The following EP400 variants were observed in gnomAD, a reference collection of about 807,000 sequenced individuals.
The protein encoded by EP400 is E1A-binding protein p400.
A neutral mutation model predicts 354.1 loss-of-function variants in EP400; 105 were observed. That is an observed-to-expected ratio of 0.30 (90% CI 0.25 to 0.35). The LOEUF (loss-of-function observed/expected upper bound fraction) is 0.35, where lower values mean the gene tolerates loss of function less well. Among genes scored for constraint, EP400 ranks in the 10% least tolerant of loss-of-function variants. The pLI is 1.00. For synonymous variants in EP400, 1,646 were observed against 1,716.9 expected (o/e 0.96, Z 1.02); for missense variants, 3,280 against 4,121.0 (o/e 0.80, Z 5.59).
chr12:132,028,330 A>G (rs774706215), intron 27 of EP400, 42 bp downstream of exon 27: 7 of 1,597,974 alleles, frequency 4.4e-6, no homozygotes, highest in Middle Eastern at 1.7e-4. Flanking sequence ...CTCTGGCTGC[A>G]TTGCACCCCG....
At chr12:131,979,424 A>G (rs997917852) in intron 2 of EP400, among the ~76,000 whole-genome samples, 3 of 152,112 alleles carry the variant, frequency 2.0e-5, no homozygotes, top group Non-Finnish European at 4.4e-5. Context: ...TTTCCCAAGG[A>G]CTGTAGGTTT....
At chr12:131,966,444 C>T (rs371574651) in intron 2 of EP400, among the ~76,000 whole-genome samples, 16 of 151,574 alleles carry the variant, frequency 1.1e-4, no homozygotes, top group Admixed American at 8.6e-4. Context: ...TGGCACACGC[C>T]TGTAATTCCA....
At chr12:132,022,788 A>T (rs1369769955) in intron 23 of EP400, among the ~76,000 whole-genome samples, 1 of 151,942 alleles carries the variant, frequency 6.6e-6, no homozygotes, top group Non-Finnish European at 1.5e-5. Context: ...AGGCATTGCT[A>T]GATCTTGTAG....
At chr12:131,987,973 T>G in intron 7 of EP400, 83 bp downstream of exon 7, 16 of 686,406 alleles carry the variant, frequency 2.3e-5, no homozygotes, top group Non-Finnish European at 3.4e-5. Context: ...TGGGGAGGTC[T>G]CCAGACCCAC....
chr12:132,065,141 A>C (rs1895848036), intron 48 of EP400: 1 of 649,966 alleles, frequency 1.5e-6, no homozygotes, highest in East Asian at 2.9e-5. Context: ...GTGGAGAGTG[A>C]GCGAGGTGAG....
Position 132,029,446 on chromosome 12 carries a change from A to AC in EP400, c.5382-250dup. On this transcript the variant is annotated intron_variant, in intron 27 of 52. Transcript: ENST00000389561. The surrounding 1 kb of genome is among the most constrained non-coding windows in gnomAD (Gnocchi z 4.7). ...CTGGTGCCTGCGGCCTAGGGAATCC[A>AC]CCCCCATTGATCCATCAGCCCTGGA... is the stretch of plus-strand genomic sequence containing the variant. The AC allele has an allele frequency of 1.8e-6, 1 of 542,468 alleles. No individual in the cohort carries two copies. Among genetic ancestry groups the AC allele is most frequent in the Non-Finnish European group, 3.3e-6 (1 of 305,550 alleles). The allele number at this position is 542,468 out of a possible 1,614,324, so 33.6% of individuals were successfully genotyped here.
At chr12:132,073,037 C>T (rs956696276) in intron 51 of EP400, among the ~76,000 whole-genome samples, 12 of 152,126 alleles carry the variant, frequency 7.9e-5, no homozygotes, top group African/African-American at 2.2e-4. Flanking sequence ...GAGCAGCTCG[C>T]GGGCAGGTCC....
intron 47 of EP400, 69 bp from the exon 48 acceptor site, chr12:132,064,599 A>T (rs937628080): frequency 3.8e-6 from 6 of 1,561,488 alleles, no homozygotes; most frequent in Non-Finnish European, 3.5e-6. Flanking sequence ...GTGGCTTAGG[A>T]ACAAGATGTC....
At chr12:132,012,288 T>C (rs1893792418) in intron 16 of EP400, among the ~76,000 whole-genome samples, 1 of 152,224 alleles carries the variant, frequency 6.6e-6, no homozygotes, top group Non-Finnish European at 1.5e-5. Flanking sequence ...AATTTGTAAG[T>C]ATAGAAATTT....
At chr12:132,041,518 G>A (rs190233589) in intron 32 of EP400, among the ~76,000 whole-genome samples, 3 of 152,236 alleles carry the variant, frequency 2.0e-5, no homozygotes, top group Non-Finnish European at 4.4e-5. Context: ...TCTGTAACTC[G>A]TTCTCATTGC....
intron 32 of EP400, among the ~76,000 whole-genome samples, chr12:132,039,491 A>C (rs1036518742): frequency 5.9e-5 from 9 of 152,120 alleles, no homozygotes; most frequent in Non-Finnish European, 8.8e-5. Flanking sequence ...CCCCAGCCCC[A>C]GAGCGTTTCT....
At chr12:132,016,330 C>T (rs964902978) in intron 19 of EP400, among the ~76,000 whole-genome samples, 4 of 152,188 alleles carry the variant, frequency 2.6e-5, no homozygotes, top group South Asian at 4.2e-4. Context: ...GGACTCCAGG[C>T]GCCGTCTCTC....
At chr12:132,057,671 T>G (rs1895557763) in intron 45 of EP400, among the ~76,000 whole-genome samples, 1 of 152,172 alleles carries the variant, frequency 6.6e-6, no homozygotes, top group Admixed American at 6.5e-5. Flanking sequence ...GTATGTGACT[T>G]TAAGATTATT....
intron 19 of EP400, among the ~76,000 whole-genome samples, chr12:132,014,228 C>T (rs904046004): frequency 2.6e-4 from 39 of 152,178 alleles, no homozygotes; most frequent in African/African-American, 9.2e-4. Flanking sequence ...TCCATTCATC[C>T]GGGAGGGATG....
chr12:131,998,951 A>T (rs1238930233), intron 12 of EP400, among the ~76,000 whole-genome samples: 1 of 145,610 alleles, frequency 6.9e-6, no homozygotes, highest in Non-Finnish European at 1.5e-5. Context: ...TACTTCTCTG[A>T]AGAGTTTTTC....
Position 132,017,773 on chromosome 12 carries a change from A to AC in EP400, c.4110+53dup, listed in dbSNP as rs753123242. 6 of 1,483,506 alleles carry AC rather than the reference A, an allele frequency of 4.0e-6. No homozygotes were observed. Among genetic ancestry groups the AC allele is most frequent in the Non-Finnish European group, 5.4e-6 (6 of 1,115,338 alleles). The allele number at this position is 1,483,506 out of a possible 1,614,324, so 91.9% of individuals were successfully genotyped here. On this transcript the variant is annotated intron_variant, in intron 20 of 52. Coordinates refer to ENST00000389561, the MANE Select transcript of EP400 (RefSeq NM_015409.5). The surrounding 1 kb of genome is among the most constrained non-coding windows in gnomAD (Gnocchi z 5.0). Reference sequence around the variant, plus strand: ...TTACTGTTGGATATCTTTTCTAGGCACATTATAGATAAAACCATTCTTGGA... The same window carrying AC: ...TTACTGTTGGATATCTTTTCTAGGCACCATTATAGATAAAACCATTCTTGGA...
chr12:131,984,094 T>C (rs1441283607), intron 5 of EP400, among the ~76,000 whole-genome samples: 1 of 152,120 alleles, frequency 6.6e-6, no homozygotes, highest in Non-Finnish European at 1.5e-5. Flanking sequence ...AAGACGAGGT[T>C]TCTCCATGGG....
intron 41 of EP400, 105 bp from the exon 42 acceptor site, chr12:132,053,041 C>A: frequency 1.6e-6 from 2 of 1,241,454 alleles, no homozygotes; most frequent in Non-Finnish European, 1.2e-6. Context: ...ATCTCTTGGG[C>A]TGGAGCTGCC....
At position 132,038,650 on chromosome 12, in the gene EP400, G is replaced by C. The variant is rs1894793961; in HGVS notation, c.6207+554G>C. 6.6e-6 allele frequency among the ~76,000 whole-genome samples: 1 copy of C among 152,240 alleles called. No homozygotes were observed. The highest frequency in any genetic ancestry group is 2.4e-5 in the African/African-American group (1 of 41,466). The stretch of plus-strand genomic sequence containing the variant: ...GTCAATATTTTACTGTTTCGGTGTG[G>C]GTAGTAGAAGATAGAGGGCATGTTT... On this transcript the variant is annotated intron_variant, in intron 32 of 52. Coordinates refer to ENST00000389561, the MANE Select transcript of EP400 (RefSeq NM_015409.5). The surrounding 1 kb of genome is among the most constrained non-coding windows in gnomAD (Gnocchi z 4.2).
Sources: gnomAD v4.1 joint callset for allele counts (sites outside exome capture counted in the v4.1 genomes callset) on GRCh38, gnomAD v4.1.1 for gene constraint, Gnocchi (gnomAD v3.1) non-coding constraint, MANE v1.5 for transcripts, NCBI Gene and HGNC (gene_info 2026-07-23, HGNC 2026-07-21) for gene names.